The following ARHGAP22 variants were observed in gnomAD, a reference collection of about 807,000 sequenced individuals.
ARHGAP22 encodes the protein Rho GTPase activating protein 22.
In ARHGAP22, 48 loss-of-function variants were observed where a neutral mutation model predicts 59.1. The observed-to-expected ratio is 0.81, with a 90% CI of 0.64 to 1.03. The LOEUF (loss-of-function observed/expected upper bound fraction) is 1.03. ARHGAP22 is among the 50% of genes least tolerant of loss of function. ARHGAP22 has a pLI of 0.00. For missense variants in ARHGAP22, 1,015 were observed against 958.7 expected, an observed-to-expected ratio of 1.06 and a Z score of -0.78; for synonymous variants, 445 against 416.4, an observed-to-expected ratio of 1.07 and a Z score of -0.84.
intron 2 of ARHGAP22, among the ~76,000 whole-genome samples, chr10:48,577,805 T>G (rs1159879492): frequency 4.7e-5 from 5 of 107,154 alleles, no homozygotes; most frequent in East Asian, 3.8e-4. Context: ...TTTTTGGTTT[T>G]TTTTTTTTTT....
intron 3 of ARHGAP22, among the ~76,000 whole-genome samples, chr10:48,486,957 T>C (rs1317358237): frequency 6.6e-6 from 1 of 152,252 alleles, no homozygotes; most frequent in African/African-American, 2.4e-5. Context: ...ATCATCCTCA[T>C]TTTTTGATGT....
intron 1 of ARHGAP22, among the ~76,000 whole-genome samples, chr10:48,594,566 C>G (rs78032364): frequency 6.6e-5 from 10 of 152,330 alleles, no homozygotes; most frequent in African/African-American, 1.9e-4. Context: ...TCCCCACCCC[C>G]AAATGTGCTG....
chr10:48,613,257 C>T (rs982792203), intron 1 of ARHGAP22, among the ~76,000 whole-genome samples: 1 of 152,194 alleles, frequency 6.6e-6, no homozygotes, highest in Non-Finnish European at 1.5e-5. Context: ...ACCACTACCA[C>T]TGTCATGTGA....
At chr10:48,541,916 G>A (rs1033206570) in intron 3 of ARHGAP22, among the ~76,000 whole-genome samples, 3 of 152,216 alleles carry the variant, frequency 2.0e-5, no homozygotes, top group Non-Finnish European at 4.4e-5. Flanking sequence ...AGGCCCCTTT[G>A]CCGTATTGGA....
At chr10:48,535,371 T>C (rs1395242900) in intron 3 of ARHGAP22, among the ~76,000 whole-genome samples, 2 of 152,206 alleles carry the variant, frequency 1.3e-5, no homozygotes, top group East Asian at 3.8e-4. Context: ...ATGTGGTCAC[T>C]CAGGGACCCA....
chr10:48,505,965 T>C (rs552009250), intron 3 of ARHGAP22, among the ~76,000 whole-genome samples: 165 of 152,348 alleles, frequency 1.1e-3, no homozygotes, highest in African/African-American at 3.8e-3. Flanking sequence ...CGCAGACATT[T>C]GTTGAACCAC....
In ARHGAP22 at chr10:48,559,177, T is replaced by G. The variant is rs144970460; in HGVS notation, c.235-3627A>C. ...TAGTGCCAGGTCAGGGCTTAAGTGTTTGTATCTCAGAAGGAACCAGGCACA... is the reference window on the plus strand; with the variant it reads ...TAGTGCCAGGTCAGGGCTTAAGTGTGTGTATCTCAGAAGGAACCAGGCACA... On this transcript the variant is annotated intron_variant, in intron 2 of 9. Coordinates refer to ENST00000249601, the MANE Select transcript of ARHGAP22 (RefSeq NM_021226.4). 2.6e-4 allele frequency among the ~76,000 whole-genome samples: 40 copies of G among 152,282 alleles called. No individual in the cohort carries two copies. The East Asian group carries it at 7.3e-3, about 28-fold the overall frequency.
At chr10:48,506,891 G>C (rs2052195576) in intron 3 of ARHGAP22, among the ~76,000 whole-genome samples, 1 of 152,182 alleles carries the variant, frequency 6.6e-6, no homozygotes, top group Non-Finnish European at 1.5e-5. Flanking sequence ...AAGAAGGCCA[G>C]AGCTAGGATT....
At chr10:48,482,388 G>A (rs1244826476) in intron 3 of ARHGAP22, among the ~76,000 whole-genome samples, 1 of 152,210 alleles carries the variant, frequency 6.6e-6, no homozygotes, top group African/African-American at 2.4e-5. Context: ...ATGTGCAATC[G>A]TGCTATCTGC....
rs1027807207 is a variant in ARHGAP22 at position 48,446,273 on chromosome 10, C to T, written c.*118G>A. On this transcript the variant is annotated 3_prime_UTR_variant, in exon 10 of 10. Coordinates refer to ENST00000249601, the MANE Select transcript of ARHGAP22 (RefSeq NM_021226.4). ...ACAGTCCCCACAGAGGTATCAGGAT[C>T]TCTCTCTCTCCAGCTGGCTCCAGAG... 3 of 1,030,084 alleles carry T rather than the reference C, an allele frequency of 2.9e-6. No individual in the cohort carries two copies. Among genetic ancestry groups the T allele is most frequent in the Admixed American group, 2.6e-5 (1 of 38,782 alleles). The allele number at this position is 1,030,084 out of a possible 1,614,324, so 63.8% of individuals were successfully genotyped here.
intron 4 of ARHGAP22, among the ~76,000 whole-genome samples, chr10:48,471,310 C>T (rs1046533948): frequency 6.6e-6 from 1 of 152,218 alleles, no homozygotes; most frequent in African/African-American, 2.4e-5. Flanking sequence ...TGGGCAGGGA[C>T]ACCTTTTCCC....
At chr10:48,554,781 A>G (rs530446013) in intron 3 of ARHGAP22, among the ~76,000 whole-genome samples, 1 of 152,154 alleles carries the variant, frequency 6.6e-6, no homozygotes, top group Non-Finnish European at 1.5e-5. Context: ...TGCCTGCAGC[A>G]GCAACCCACT....
intron 3 of ARHGAP22, among the ~76,000 whole-genome samples, chr10:48,495,345 C>T (rs1336988061): frequency 6.6e-6 from 1 of 152,190 alleles, no homozygotes; most frequent in Non-Finnish European, 1.5e-5. Flanking sequence ...TCGATGTCCT[C>T]ACAACCACCT....
At chr10:48,571,453 G>A (rs985451517) in intron 2 of ARHGAP22, among the ~76,000 whole-genome samples, 6 of 152,164 alleles carry the variant, frequency 3.9e-5, no homozygotes, top group African/African-American at 1.2e-4. Flanking sequence ...ATAGTGCCTT[G>A]AGGGGACCGT....
At chr10:48,518,190 G>C (rs1044455635) in intron 3 of ARHGAP22, among the ~76,000 whole-genome samples, 5 of 152,142 alleles carry the variant, frequency 3.3e-5, no homozygotes, top group African/African-American at 1.2e-4. Flanking sequence ...AGGACGGCAA[G>C]GCTCGACCAC....
chr10:48,588,179 A>G (rs976788384), intron 1 of ARHGAP22, among the ~76,000 whole-genome samples: 1 of 151,260 alleles, frequency 6.6e-6, no homozygotes. Context: ...ATGGGGGGCC[A>G]TGTTCACTGG....
rs1036430591 is a variant in ARHGAP22, at chr10:48,446,325, G to A, written c.*66C>T. 2.6e-5 allele frequency: 41 copies of A among 1,547,382 alleles called. No individual in the cohort carries two copies. In the African/African-American group the frequency reaches 3.2e-4, roughly 12 times the overall value. On this transcript the variant is annotated 3_prime_UTR_variant, in exon 10 of 10. Transcript: ENST00000249601. The stretch of plus-strand genomic sequence containing the variant: ...GCCTGGCTGCTCCAGAGATACAGAC[G>A]CTTCTAACTCCATACAAGGCTGGAG...
At chr10:48,498,196 G>A (rs558197823) in intron 3 of ARHGAP22, among the ~76,000 whole-genome samples, 5 of 152,248 alleles carry the variant, frequency 3.3e-5, no homozygotes, top group African/African-American at 4.8e-5. Flanking sequence ...AAGCTGGCCC[G>A]AGCAGGACAC....
intron 1 of ARHGAP22, among the ~76,000 whole-genome samples, chr10:48,622,207 T>C (rs1051841020): frequency 1.3e-5 from 2 of 152,348 alleles, no homozygotes; most frequent in South Asian, 4.1e-4. Context: ...GTGTGATGTA[T>C]CTTTTTTTGT....
Sources: gnomAD v4.1 joint callset for allele counts (sites outside exome capture counted in the v4.1 genomes callset) on GRCh38, gnomAD v4.1.1 for gene constraint, MANE v1.5 for transcripts, NCBI Gene and HGNC (gene_info 2026-07-23, HGNC 2026-07-21) for gene names.